ASPHD1: variants seen among roughly 807,000 people sequenced by gnomAD.
The protein encoded by ASPHD1 is aspartate beta-hydroxylase domain containing 1, also known as aspartate beta-hydroxylase domain-containing protein 1.
In ASPHD1, 20 loss-of-function variants were observed where a neutral mutation model predicts 28.3. The ratio of observed to expected loss-of-function variants is 0.71; its 90% CI spans 0.50 to 1.03. The LOEUF (loss-of-function observed/expected upper bound fraction) is 1.03. Ranked by LOEUF, ASPHD1 falls within the 50% of genes least tolerant of loss-of-function variation. The probability of loss-of-function intolerance (pLI) is 0.00; values close to 1 mark genes in which losing one functional copy is unlikely to be tolerated. For synonymous variants in ASPHD1, 240 were observed against 221.2 expected (o/e 1.08, Z -0.75); for missense variants, 479 against 524.1 (o/e 0.91, Z 0.84).
Position 29,905,940 on chromosome 16 carries a change from C to T in ASPHD1, c.*43C>T, listed in dbSNP as rs751924859. 36 of 1,428,396 alleles carry T rather than the reference C, an allele frequency of 2.5e-5. No homozygotes were observed. The highest frequency in any genetic ancestry group is 1.4e-4 in the East Asian group (5 of 36,652). 88.5% of individuals were successfully genotyped at this position (1,428,396 alleles called of 1,614,324 possible). ...ACACACCCAGGCTGGAGAGACACTG[C>T]GCTCAGGGACGGCTTGATGGTAGCC... On this transcript the variant is annotated 3_prime_UTR_variant, in exon 3 of 3. Transcript: ENST00000308748.
At chr16:29,906,975 T>A (rs200060680), downstream of ASPHD1, 9 of 1,614,048 alleles carry the variant, frequency 5.6e-6, no homozygotes, top group Non-Finnish European at 7.6e-6. Context: ...CTCTTCATCC[T>A]CCCCGCGGCC....
At chr16:29,917,286 T>C (rs1273175806) in intron 3 of ASPHD1, among the ~76,000 whole-genome samples, 1 of 152,076 alleles carries the variant, frequency 6.6e-6, no homozygotes, top group African/African-American at 2.4e-5. Flanking sequence ...CTAAATCCCT[T>C]CACAATCATA....
downstream of ASPHD1, among the ~76,000 whole-genome samples, chr16:29,907,538 G>A (rs1264875017): frequency 6.6e-6 from 1 of 152,166 alleles, no homozygotes; most frequent in Non-Finnish European, 1.5e-5. Flanking sequence ...TGTAATCCCA[G>A]CACTTTGGGA....
downstream of ASPHD1, chr16:29,907,180 C>T: frequency 9.3e-7 from 1 of 1,079,452 alleles, no homozygotes. Flanking sequence ...CTGCCTAGGG[C>T]CCCTGCACCA....
downstream of ASPHD1, among the ~76,000 whole-genome samples, chr16:29,907,798 T>A (rs2068638139): frequency 6.6e-6 from 1 of 151,228 alleles, no homozygotes; most frequent in African/African-American, 2.4e-5. Flanking sequence ...AATAAATAAA[T>A]AAATAAATAA....
At chr16:29,910,138 G>C (rs1044091810), downstream of ASPHD1, among the ~76,000 whole-genome samples, 5 of 150,486 alleles carry the variant, frequency 3.3e-5, no homozygotes, top group Non-Finnish European at 7.4e-5. Flanking sequence ...AGTGGCTCAC[G>C]CTTGTAATCC....
Position 29,912,063 on chromosome 16 carries a change from G to A in ASPHD1, c.*62+6104G>A, listed in dbSNP as rs376391098. The A allele has an allele frequency of 6.4e-5, 101 of 1,577,476 alleles. 1 individual carries two copies. The highest frequency in any genetic ancestry group is 5.5e-4 in the South Asian group (48 of 87,594). ...CTCCCTTTTTTGCTGGGGAAGAAGCGGAAGGTGGTTAACAGCACAACCAAA... is the reference window on the plus strand; with the variant it reads ...CTCCCTTTTTTGCTGGGGAAGAAGCAGAAGGTGGTTAACAGCACAACCAAA... On this transcript the variant is annotated intron_variant and NMD_transcript_variant, in intron 3 of 3. Coordinates refer to the ASPHD1 transcript ENST00000414952.
At chr16:29,905,327 A>ATACCTCTC (rs1211158730) in intron 2 of ASPHD1, among the ~76,000 whole-genome samples, 1 of 152,168 alleles carries the variant, frequency 6.6e-6, no homozygotes, top group African/African-American at 2.4e-5. Context: ...TTTGATGATT[A>ATACCTCTC]AGAGTTGATA....
chr16:29,906,015 G>A lies in ASPHD1; in HGVS notation c.*118G>A, dbSNP rs1262736255. 2 of 618,738 alleles carry A rather than the reference G, an allele frequency of 3.2e-6. No individual in the cohort carries two copies. The highest frequency in any genetic ancestry group is 2.9e-5 in the East Asian group (1 of 34,248). The allele number at this position is 618,738 out of a possible 1,614,324, so 38.3% of individuals were successfully genotyped here. ...TGGGCGGGGGCGGAGGATGGGAACT[G>A]GCTAGTGAGCACTGAAATATAAATT... On this transcript the variant is annotated 3_prime_UTR_variant, in exon 3 of 3. Coordinates refer to ENST00000308748, the MANE Select transcript of ASPHD1 (RefSeq NM_181718.4).
downstream of ASPHD1, chr16:29,907,042 C>T (rs765354617): frequency 6.2e-7 from 1 of 1,613,934 alleles, no homozygotes; most frequent in Admixed American, 1.7e-5. Context: ...GGGTCTGGGC[C>T]CCGGGGAGTC....
At chr16:29,918,617 C>T (rs1180849750) in intron 3 of ASPHD1, among the ~76,000 whole-genome samples, 2 of 151,426 alleles carry the variant, frequency 1.3e-5, no homozygotes, top group Non-Finnish European at 2.9e-5. Context: ...ACTACAGGCA[C>T]CCACCACCAC....
chr16:29,918,291 A>G (rs544360064), intron 3 of ASPHD1, among the ~76,000 whole-genome samples: 1 of 152,360 alleles, frequency 6.6e-6, no homozygotes, highest in East Asian at 1.9e-4. Context: ...TGTAACAATG[A>G]TAGAGAAATC....
intron 1 of ASPHD1, among the ~76,000 whole-genome samples, 173 bp from the exon 2 acceptor site, chr16:29,904,679 T>A (rs1421325060): frequency 6.6e-6 from 1 of 151,590 alleles, no homozygotes; most frequent in Non-Finnish European, 1.5e-5. Context: ...CTCCTAGCAC[T>A]TCCCTCCTCC....
chr16:29,901,497 G>A lies in ASPHD1; in HGVS notation c.526G>A (p.Gly176Arg). 1 of 1,601,672 alleles carries A rather than the reference G, an allele frequency of 6.2e-7. No individual in the cohort carries two copies. Among genetic ancestry groups the A allele is most frequent in the South Asian group, 1.1e-5 (1 of 90,696 alleles). The change falls in exon 1 of 3, where the codon GGG becomes AGG. Residue 176 changes from glycine (G) to arginine (R), a missense_variant. Transcript: ENST00000308748. This position sits in a 1 kb window ranked among gnomAD's most constrained non-coding sequence, Gnocchi z 5.1. ...RRAAQGGPGP[G>R]RGPGVLGIQR... ...GGCAGCTCAGGGTGGCCCAGGCCCTGGGAGAGGGCCAGGGGTCCTAGGTAT... is the reference window on the plus strand; with the variant it reads ...GGCAGCTCAGGGTGGCCCAGGCCCTAGGAGAGGGCCAGGGGTCCTAGGTAT...
chr16:29,902,955 A>G (rs2068567991), intron 1 of ASPHD1, among the ~76,000 whole-genome samples: 1 of 145,300 alleles, frequency 6.9e-6, no homozygotes, highest in African/African-American at 2.6e-5. Context: ...TGGCACAAAC[A>G]TGGCTCACTA....
intron 3 of ASPHD1, among the ~76,000 whole-genome samples, chr16:29,917,081 A>G (rs891995243): frequency 5.3e-5 from 8 of 152,132 alleles, no homozygotes; most frequent in African/African-American, 1.7e-4. Context: ...GCAATGTCCT[A>G]TTGGTCATAC....
downstream of ASPHD1, chr16:29,910,916 T>G (rs2068695746): frequency 6.7e-7 from 1 of 1,501,396 alleles, no homozygotes; most frequent in East Asian, 2.3e-5. Flanking sequence ...AACCTGCTTT[T>G]GTCCAGGGTC....
At chr16:29,907,608 G>A (rs1436681745), downstream of ASPHD1, among the ~76,000 whole-genome samples, 2 of 151,874 alleles carry the variant, frequency 1.3e-5, no homozygotes, top group African/African-American at 4.8e-5. Context: ...GCAACATGGT[G>A]TAACCCCATC....
At position 29,901,464 on chromosome 16, in the gene ASPHD1, G is replaced by A. The variant is rs758545223; in HGVS notation, c.493G>A (p.Val165Met). The change falls in exon 1 of 3, where the codon GTG (valine) becomes ATG (methionine). Residue 165 changes from valine to methionine, a missense_variant. Coordinates refer to ENST00000308748, the MANE Select transcript of ASPHD1 (RefSeq NM_181718.4). The surrounding 1 kb of genome is among the most constrained non-coding windows in gnomAD (Gnocchi z 5.1). ...CTACTCCTGGGCTGGGATGGGTAGAGTGAGGCGGGCAGCTCAGGGTGGCCC... is the reference window on the plus strand; with the variant it reads ...CTACTCCTGGGCTGGGATGGGTAGAATGAGGCGGGCAGCTCAGGGTGGCCC... ...RRYSWAGMGR[V>M]RRAAQGGPGP... The A allele has an allele frequency of 1.3e-5, 20 of 1,593,776 alleles. No individual in the cohort carries two copies. The Admixed American group carries it at 2.8e-4, about 22-fold the overall frequency.
Sources: gnomAD v4.1 joint callset for allele counts (sites outside exome capture counted in the v4.1 genomes callset) on GRCh38, gnomAD v4.1.1 for gene constraint, Gnocchi (gnomAD v3.1) non-coding constraint, MANE v1.5 for transcripts, NCBI Gene and HGNC (gene_info 2026-07-23, HGNC 2026-07-21) for gene names.